The following ALK variants were observed in gnomAD, a reference collection of about 807,000 sequenced individuals.
ALK encodes ALK receptor tyrosine kinase, also known as ALK tyrosine kinase receptor.
A neutral mutation model predicts 163.1 loss-of-function variants in ALK; 74 were observed. That is an observed-to-expected ratio of 0.45 (90% CI 0.38 to 0.55). ALK has a LOEUF of 0.55. Among genes scored for constraint, ALK ranks in the 20% least tolerant of loss-of-function variants. The pLI is 0.00. For missense variants in ALK, 2,063 were observed against 2,105.3 expected (o/e 0.98, Z 0.39); for synonymous variants, 960 against 843.2 (o/e 1.14, Z -2.40).
At chr2:29,739,048 G>A (rs1201860150) in intron 1 of ALK, among the ~76,000 whole-genome samples, 1 of 151,540 alleles carries the variant, frequency 6.6e-6, no homozygotes, top group Admixed American at 6.6e-5. Flanking sequence ...ACCAGTCTGG[G>A]CAACATAGTG....
chr2:29,403,068 CT>C lies in ALK; in HGVS notation c.1155-19210del, dbSNP rs1437214571. ...TTTAGTCTGTCATCTGTGAAGTTGG[CT>C]TTGCTCCTGAGCTTTGAATCATCAG... On this transcript the variant is annotated intron_variant, in intron 4 of 28. Coordinates refer to ENST00000389048, the MANE Select transcript of ALK (RefSeq NM_004304.5). Among the ~76,000 whole-genome samples, 5 of 152,266 alleles carry C rather than the reference CT, an allele frequency of 3.3e-5. No individual in the cohort carries two copies. In the East Asian group the frequency reaches 9.6e-4, roughly 29 times the overall value.
intron 25 of ALK, among the ~76,000 whole-genome samples, chr2:29,208,635 C>G (rs1419189939): frequency 6.6e-6 from 1 of 152,154 alleles, no homozygotes; most frequent in Non-Finnish European, 1.5e-5. Flanking sequence ...CCTCAGCATG[C>G]TCACCCCTGT....
At chr2:29,811,673 C>A (rs952199300) in intron 1 of ALK, among the ~76,000 whole-genome samples, 1 of 152,176 alleles carries the variant, frequency 6.6e-6, no homozygotes, top group Non-Finnish European at 1.5e-5. Flanking sequence ...ATGTAGCTGA[C>A]CTGGCCAAAC....
intron 3 of ALK, among the ~76,000 whole-genome samples, chr2:29,636,374 A>T (rs1308191798): frequency 1.0e-5 from 1 of 99,316 alleles, no homozygotes; most frequent in African/African-American, 3.2e-5. Context: ...AAGAAAAGAA[A>T]AGAAAAGAAA....
At chr2:29,713,634 A>G (rs1239764659) in intron 2 of ALK, among the ~76,000 whole-genome samples, 2 of 152,200 alleles carry the variant, frequency 1.3e-5, no homozygotes, top group Non-Finnish European at 2.9e-5. Flanking sequence ...TATGATAGAA[A>G]GAGCACACAG....
At chr2:29,607,590 G>C (rs1256916794) in intron 3 of ALK, among the ~76,000 whole-genome samples, 1 of 152,154 alleles carries the variant, frequency 6.6e-6, no homozygotes, top group Non-Finnish European at 1.5e-5. Flanking sequence ...TCAAGGCTCA[G>C]CTTCTGCTGC....
chr2:29,787,086 T>C (rs1180029070), intron 1 of ALK, among the ~76,000 whole-genome samples: 3 of 152,178 alleles, frequency 2.0e-5, no homozygotes, highest in South Asian at 2.1e-4. Flanking sequence ...TGAGCCACCA[T>C]GCCCGGCCTT....
intron 15 of ALK, among the ~76,000 whole-genome samples, chr2:29,230,289 C>CTT (rs5830106): frequency 1.6e-4 from 22 of 138,972 alleles, no homozygotes; most frequent in African/African-American, 4.9e-4. Flanking sequence ...ACACAATCAT[C>CTT]TTTTTTTTTT....
In ALK at chr2:29,690,137, C is replaced by T. The variant is rs374964933; in HGVS notation, c.952+4713G>A. Among the ~76,000 whole-genome samples, 18 of 152,190 alleles carry T rather than the reference C, an allele frequency of 1.2e-4. No individual in the cohort carries two copies. In the East Asian group the frequency reaches 1.3e-3, roughly 11 times the overall value. ...AGTGCATCAAAAATTTGAATGACCC[C>T]ATTCTGCTGTTGCAATACCCTAGTC... On this transcript the variant is annotated intron_variant, in intron 3 of 28. Coordinates refer to ENST00000389048, the MANE Select transcript of ALK (RefSeq NM_004304.5).
At chr2:29,397,105 G>A (rs7591913) in intron 4 of ALK, among the ~76,000 whole-genome samples, 76,828 of 151,754 alleles carry the variant, frequency 0.51, 20,202 homozygotes, top group African/African-American at 0.59. Flanking sequence ...ACTCAAAAAG[G>A]TATGTTTAAG....
intron 1 of ALK, among the ~76,000 whole-genome samples, chr2:29,751,425 G>A (rs1237882454): frequency 6.6e-6 from 1 of 152,102 alleles, no homozygotes. Flanking sequence ...TTCATTGCCT[G>A]AAATGTTGTT....
At chr2:29,415,682 T>A (rs894136325) in intron 4 of ALK, among the ~76,000 whole-genome samples, 1 of 152,176 alleles carries the variant, frequency 6.6e-6, no homozygotes, top group Non-Finnish European at 1.5e-5. Context: ...TCTGGGTATG[T>A]CTATGAGGGT....
intron 1 of ALK, among the ~76,000 whole-genome samples, chr2:29,804,081 A>G (rs7581412): frequency 1.3e-5 from 2 of 152,238 alleles, no homozygotes; most frequent in Non-Finnish European, 2.9e-5. Flanking sequence ...CAGGAAAACT[A>G]AATCTCTTTT....
At chr2:29,500,839 A>C (rs939752459) in intron 4 of ALK, among the ~76,000 whole-genome samples, 28 of 152,022 alleles carry the variant, frequency 1.8e-4, no homozygotes, top group African/African-American at 6.8e-4. Flanking sequence ...CCTTGCATAC[A>C]CAGGGGCTCT....
chr2:29,349,907 G>A (rs772039966), intron 5 of ALK, among the ~76,000 whole-genome samples: 2 of 152,218 alleles, frequency 1.3e-5, no homozygotes, highest in Non-Finnish European at 2.9e-5. Context: ...GGGCTGGTCA[G>A]GAGACACCTG....
At chr2:29,332,138 T>C (rs978415395) in intron 5 of ALK, among the ~76,000 whole-genome samples, 1 of 151,284 alleles carries the variant, frequency 6.6e-6, no homozygotes, top group Non-Finnish European at 1.5e-5. Flanking sequence ...TACAAAAAAT[T>C]AGCCGGGTGT....
At chr2:29,403,390 G>A (rs763201218) in intron 4 of ALK, among the ~76,000 whole-genome samples, 1 of 152,112 alleles carries the variant, frequency 6.6e-6, no homozygotes, top group Non-Finnish European at 1.5e-5. Flanking sequence ...CCTAAATCAA[G>A]TTATTCTGTG....
chr2:29,865,504 T>A (rs144606694), intron 1 of ALK, among the ~76,000 whole-genome samples: 66 of 152,332 alleles, frequency 4.3e-4, no homozygotes, highest in South Asian at 1.7e-3. Flanking sequence ...GTTTTATATG[T>A]AACAATCTGC....
chr2:29,787,347 C>G (rs192993582), intron 1 of ALK, among the ~76,000 whole-genome samples: 12 of 152,242 alleles, frequency 7.9e-5, no homozygotes, highest in African/African-American at 2.4e-4. Flanking sequence ...GGCTTTATTC[C>G]TTAAGCTACT....
Sources: allele counts gnomAD v4.1 joint callset (sites outside exome capture counted in the v4.1 genomes callset), GRCh38; gene constraint gnomAD v4.1.1; transcripts MANE v1.5; gene names NCBI Gene and HGNC (gene_info 2026-07-23, HGNC 2026-07-21).